ERBB2: variants seen among roughly 807,000 people sequenced by gnomAD.
ERBB2 encodes receptor tyrosine-protein kinase erbB-2.
ERBB2 carries 61 observed loss-of-function variants against 149.0 expected under a neutral mutation model. The observed-to-expected ratio is 0.41, with a 90% confidence interval of 0.33 to 0.51. ERBB2 has a LOEUF of 0.51. Ranked by LOEUF, ERBB2 falls within the 20% of genes least tolerant of loss-of-function variation. The probability of loss-of-function intolerance (pLI) is 0.25; values close to 1 mark genes in which losing one functional copy is unlikely to be tolerated. For missense variants in ERBB2, 1,205 were observed against 1,655.1 expected, an observed-to-expected ratio of 0.73 and a Z score of 4.72; for synonymous variants, 633 against 678.8, an observed-to-expected ratio of 0.93 and a Z score of 1.05.
Position 39,718,373 on chromosome 17 carries a change from T to C in ERBB2, c.1898+893T>C, listed in dbSNP as rs113424326. On this transcript the variant is annotated intron_variant, in intron 15 of 26. Coordinates refer to ENST00000269571, the MANE Select transcript of ERBB2 (RefSeq NM_004448.4). Reference sequence around the variant, plus strand: ...CTCAACTCCCTGTCCACCCAGTCTCTCCTGTCTGCTGGGAGAACCACCGCA... The same window carrying C: ...CTCAACTCCCTGTCCACCCAGTCTCCCCTGTCTGCTGGGAGAACCACCGCA... Among the ~76,000 whole-genome samples, 391 of 152,330 alleles carry C rather than the reference T, an allele frequency of 2.6e-3. 2 individuals carry two copies. The highest frequency in any genetic ancestry group is 8.6e-3 in the African/African-American group (359 of 41,566).
chr17:39,700,768 G>T (rs2058057945), intron 1 of ERBB2, among the ~76,000 whole-genome samples: 1 of 152,026 alleles, frequency 6.6e-6, no homozygotes, highest in African/African-American at 2.4e-5. Context: ...GCCCCTCCCC[G>T]CTCCCCTTCA....
Position 39,725,839 on chromosome 17 carries a change from T to C in ERBB2, c.2858T>C (p.Met953Thr), listed in dbSNP as rs2143077132. 6.2e-7 allele frequency: 1 copy of C among 1,613,906 alleles called. No individual in the cohort carries two copies. Among genetic ancestry groups the C allele is most frequent in the Non-Finnish European group, 8.5e-7 (1 of 1,179,932 alleles). The change falls in exon 23 of 27, where the codon ATG becomes ACG. Residue 953 changes from methionine to threonine, a missense_variant. Coordinates refer to ENST00000269571, the MANE Select transcript of ERBB2 (RefSeq NM_004448.4). The surrounding 1 kb of genome is among the most constrained non-coding windows in gnomAD (Gnocchi z 4.6). ...CCCATCTGCACCATTGATGTCTACA[T>C]GATCATGGTCAAATGTGCGTGGCTG... ...QPPICTIDVY[M>T]IMVKCWMIDS...
chr17:39,704,542 C>T (rs982844867), intron 1 of ERBB2, among the ~76,000 whole-genome samples: 7 of 152,116 alleles, frequency 4.6e-5, no homozygotes, highest in Admixed American at 4.6e-4. Flanking sequence ...CACTGCACTC[C>T]AGCCTGGCGA....
In ERBB2 at chr17:39,728,613, T is replaced by G; in HGVS notation, c.*569T>G. Reference sequence around the variant, plus strand: ...ATGGGGAGGCAAGTGTGGGGGGTCCTTCTCCACACCCACTTTGTCCATTTG... The same window carrying G: ...ATGGGGAGGCAAGTGTGGGGGGTCCGTCTCCACACCCACTTTGTCCATTTG... On this transcript the variant is annotated 3_prime_UTR_variant, in exon 27 of 27. Coordinates refer to ENST00000269571, the MANE Select transcript of ERBB2 (RefSeq NM_004448.4). The G allele has an allele frequency of 4.3e-6, 1 of 233,412 alleles. No homozygotes were observed. The highest frequency in any genetic ancestry group is 1.3e-3 in the Middle Eastern group (1 of 786). The allele number at this position is 233,412 out of a possible 1,614,324, so 14.5% of individuals were successfully genotyped here.
At chr17:39,709,748 G>C (rs2058684282) in intron 4 of ERBB2, 65 bp from the exon 5 acceptor site, 2 of 1,486,246 alleles carry the variant, frequency 1.3e-6, no homozygotes, top group Admixed American at 1.7e-5. Context: ...GCCTCTCTCT[G>C]TTACTAACCC....
At chr17:39,690,214 T>C (rs1054275341), upstream of ERBB2, among the ~76,000 whole-genome samples, 7 of 152,072 alleles carry the variant, frequency 4.6e-5, no homozygotes, top group African/African-American at 1.7e-4. Flanking sequence ...GCCTCCTGAG[T>C]AGCTGGGACT....
At chr17:39,708,010 A>C (rs2058556468) in intron 2 of ERBB2, 1 of 257,678 alleles carries the variant, frequency 3.9e-6, no homozygotes, top group African/African-American at 2.2e-5. Context: ...AAAAAAAAAA[A>C]ATTTGCAGAC....
In ERBB2 at chr17:39,728,017, G is replaced by A. The variant is rs368770921; in HGVS notation, c.3741G>A (p.Glu1247=). Residue 1247 remains glutamate (E), a synonymous_variant, in exon 27 of 27, where the codon GAG becomes GAA. Transcript: ENST00000269571. ...FKGTPTAENP[E]YLGLDVPV is the part of the protein sequence containing the mutation. ...GGACACCTACGGCAGAGAACCCAGA[G>A]TACCTGGGTCTGGACGTGCCAGTGT... The A allele has an allele frequency of 3.3e-5, 53 of 1,605,922 alleles. No individual in the cohort carries two copies. In the East Asian group the frequency reaches 4.7e-4, roughly 14 times the overall value.
chr17:39,723,423 A>G lies in ERBB2; in HGVS notation c.2051A>G (p.Lys684Arg), dbSNP rs1302627802. The change falls in exon 17 of 27, where the codon AAG becomes AGG. Residue 684 changes from lysine (K) to arginine (R), a missense_variant. By Grantham distance (26) the Lys-to-Arg change is conservative. Transcript: ENST00000269571. This position sits in a 1 kb window ranked among gnomAD's most constrained non-coding sequence, Gnocchi z 6.2. ...LIKRRQQKIR[K>R]YTMRRLLQET... ...AAGCGACGGCAGCAGAAGATCCGGA[A>G]GTACACGATGCGGAGACTGCTGCAG... 6.2e-7 allele frequency: 1 copy of G among 1,614,190 alleles called. No individual in the cohort carries two copies. The highest frequency in any genetic ancestry group is 1.7e-5 in the Admixed American group (1 of 60,024).
At chr17:39,713,421 G>A (rs750507939) in intron 9 of ERBB2, among the ~76,000 whole-genome samples, 17 of 148,788 alleles carry the variant, frequency 1.1e-4, no homozygotes, top group South Asian at 2.4e-4. Flanking sequence ...CACCACACCC[G>A]GTGCATTTTA....
intron 9 of ERBB2, among the ~76,000 whole-genome samples, chr17:39,713,955 G>A (rs1341776054): frequency 2.7e-5 from 4 of 150,586 alleles, no homozygotes; most frequent in Admixed American, 6.7e-5. Context: ...CTACTAGGGA[G>A]ACTGAGGTGG....
upstream of ERBB2, among the ~76,000 whole-genome samples, chr17:39,696,282 C>T (rs1336911218): frequency 3.9e-5 from 6 of 152,118 alleles, no homozygotes; most frequent in Non-Finnish European, 5.9e-5. Flanking sequence ...CGAGCCTCCT[C>T]CCCAGGGCGT....
rs2143123784 is a variant in ERBB2, at chr17:39,726,525, G to A, written c.2873-37G>A. The A allele has an allele frequency of 6.4e-7, 1 of 1,560,152 alleles. No individual in the cohort carries two copies. Among genetic ancestry groups the A allele is most frequent in the Non-Finnish European group, 8.8e-7 (1 of 1,130,946 alleles). ...AGGGGAGAGGCAGCAAGCACACAGGGCCTGGGACTAGCATGCTGACCTCCC... is the reference window on the plus strand; with the variant it reads ...AGGGGAGAGGCAGCAAGCACACAGGACCTGGGACTAGCATGCTGACCTCCC... On this transcript the variant is annotated intron_variant, in intron 23 of 26. Transcript: ENST00000269571. The surrounding 1 kb of genome is among the most constrained non-coding windows in gnomAD (Gnocchi z 5.1).
upstream of ERBB2, among the ~76,000 whole-genome samples, chr17:39,694,260 T>TATATATATATACACAC (rs1567888121): frequency 2.1e-4 from 5 of 23,496 alleles, no homozygotes; most frequent in Non-Finnish European, 3.3e-4. Flanking sequence ...TATATATATA[T>TATATATATATACACAC]ATATATATGT....
At chr17:39,718,777 A>C (rs1472120547) in intron 15 of ERBB2, among the ~76,000 whole-genome samples, 1 of 151,928 alleles carries the variant, frequency 6.6e-6, no homozygotes, top group East Asian at 1.9e-4. Context: ...ACATGGATGT[A>C]ATTTCACTTT....
chr17:39,709,024 T>C (rs2058635507), intron 3 of ERBB2, among the ~76,000 whole-genome samples: 1 of 152,122 alleles, frequency 6.6e-6, no homozygotes, highest in Non-Finnish European at 1.5e-5. Flanking sequence ...CACAGTCTCT[T>C]AACCACCAAG....
At chr17:39,704,884 C>T (rs1261341646) in intron 1 of ERBB2, among the ~76,000 whole-genome samples, 5 of 152,168 alleles carry the variant, frequency 3.3e-5, no homozygotes, top group African/African-American at 9.7e-5. Context: ...TCCGTAGAGC[C>T]TGTGGTGTTT....
chr17:39,725,548 C>T lies in ERBB2; in HGVS notation c.2725+146C>T. ...TGTGCCCCACCTTGCAGGGTCTGTG[C>T]ACTTCCCAGGATTAGGGAAAGACCG... On this transcript the variant is annotated intron_variant, in intron 22 of 26. Transcript: ENST00000269571. The surrounding 1 kb of genome is among the most constrained non-coding windows in gnomAD (Gnocchi z 4.6). 1.7e-6 allele frequency: 2 copies of T among 1,192,194 alleles called. No individual in the cohort carries two copies. Among genetic ancestry groups the T allele is most frequent in the South Asian group, 1.4e-5 (1 of 71,152 alleles). 73.9% of individuals were successfully genotyped at this position (1,192,194 alleles called of 1,614,324 possible).
At chr17:39,697,543 A>T (rs1381025965), upstream of ERBB2, among the ~76,000 whole-genome samples, 1 of 150,940 alleles carries the variant, frequency 6.6e-6, no homozygotes, top group East Asian at 2.0e-4. Context: ...TTTAGTAGAG[A>T]CAGGGTTTCT....
Sources: gnomAD v4.1 joint callset for allele counts (sites outside exome capture counted in the v4.1 genomes callset) on GRCh38, gnomAD v4.1.1 for gene constraint, Gnocchi (gnomAD v3.1) non-coding constraint, MANE v1.5 for transcripts, NCBI Gene and HGNC (gene_info 2026-07-23, HGNC 2026-07-21) for gene names.